Variants in PTN observed in about 807,000 individuals in gnomAD.
PTN encodes heparin affin regulatory protein.
PTN carries 18 observed loss-of-function variants against 24.1 expected under a neutral mutation model. The ratio of observed to expected loss-of-function variants is 0.75; its 90% CI spans 0.52 to 1.11. The LOEUF is 1.11. Ranked by LOEUF, PTN falls within the 50% of genes least tolerant of loss-of-function variation. PTN has a pLI of 0.00. For missense variants in PTN, 163 were observed against 198.8 expected, an observed-to-expected ratio of 0.82 and a Z score of 1.08; for synonymous variants, 78 against 68.6, an observed-to-expected ratio of 1.14 and a Z score of -0.67.
rs1456748249 is a variant in PTN, at chr7:137,227,437, G to A, written c.*583C>T. 6.7e-6 allele frequency: 1 copy of A among 149,376 alleles called. No individual in the cohort carries two copies. Among genetic ancestry groups the A allele is most frequent in the Non-Finnish European group, 1.5e-5 (1 of 67,178 alleles). The allele number at this position is 149,376 out of a possible 1,614,324, so 9.3% of individuals were successfully genotyped here. A position where few individuals can be genotyped will look rare whatever the true frequency, so the allele number is the denominator to read the frequency against. On this transcript the variant is annotated 3_prime_UTR_variant, in exon 5 of 5. Transcript: ENST00000348225. ...AGAAAACAAATGCTTCTGCCAAAGTGAAAGAATTTTATGTCTTAATGCTTT... is the reference window on the plus strand; with the variant it reads ...AGAAAACAAATGCTTCTGCCAAAGTAAAAGAATTTTATGTCTTAATGCTTT...
intron 4 of PTN, among the ~76,000 whole-genome samples, chr7:137,246,718 C>T (rs950724480): frequency 1.3e-5 from 2 of 152,190 alleles, no homozygotes; most frequent in Admixed American, 1.3e-4. Context: ...TCCCCAGAAG[C>T]TCAACCCTTT....
At chr7:137,296,889 G>A (rs757649080) in intron 1 of PTN, among the ~76,000 whole-genome samples, 4 of 152,082 alleles carry the variant, frequency 2.6e-5, no homozygotes, top group Non-Finnish European at 2.9e-5. Flanking sequence ...GAAGTCCTAT[G>A]TAGATGTAGG....
rs186745335 is a variant in PTN, at chr7:137,228,209, C to G, written c.452-134G>C. The G allele has an allele frequency of 7.3e-5, 46 of 628,860 alleles. No individual in the cohort carries two copies. In the Admixed American group the frequency reaches 1.2e-3, roughly 17 times the overall value. 39.0% of individuals were successfully genotyped at this position (628,860 alleles called of 1,614,324 possible). On this transcript the variant is annotated intron_variant, in intron 4 of 4. Transcript: ENST00000348225. ...CAAGTTGTTTGCTCTTGGTAGTTCT[C>G]TTGGTAAACTGAGAAAACACTATGT... is the stretch of plus-strand genomic sequence containing the variant.
intron 1 of PTN, among the ~76,000 whole-genome samples, chr7:137,278,980 A>ATAATAATAC (rs1809419857): frequency 6.8e-6 from 1 of 148,124 alleles, no homozygotes; most frequent in African/African-American, 2.5e-5. Context: ...AATAATAATA[A>ATAATAATAC]TAAAATAAAG....
At chr7:137,324,478 A>T (rs888982992) in intron 1 of PTN, among the ~76,000 whole-genome samples, 1 of 146,680 alleles carries the variant, frequency 6.8e-6, no homozygotes, top group African/African-American at 2.6e-5. Flanking sequence ...GCCCTCATCT[A>T]AAAATTCTGA....
chr7:137,315,739 C>G (rs1015428292), intron 1 of PTN, among the ~76,000 whole-genome samples: 1 of 152,124 alleles, frequency 6.6e-6, no homozygotes, highest in Non-Finnish European at 1.5e-5. Flanking sequence ...ATGGCCAGCA[C>G]TCCAGGGTAG....
chr7:137,342,898 C>T (rs1466201741), intron 1 of PTN, among the ~76,000 whole-genome samples: 1 of 152,100 alleles, frequency 6.6e-6, no homozygotes, highest in Non-Finnish European at 1.5e-5. Flanking sequence ...GCCAGTAGTT[C>T]CGTGAGAGAC....
intron 1 of PTN, among the ~76,000 whole-genome samples, chr7:137,278,010 T>A (rs1403637352): frequency 2.6e-5 from 4 of 152,064 alleles, no homozygotes; most frequent in Non-Finnish European, 1.5e-5. Context: ...ATTCATTTTT[T>A]AAAAAATGAC....
intron 1 of PTN, among the ~76,000 whole-genome samples, chr7:137,330,508 C>T (rs1006887125): frequency 2.6e-5 from 4 of 152,172 alleles, no homozygotes; most frequent in African/African-American, 9.6e-5. Flanking sequence ...TGAAGGAACC[C>T]TGGTGTGCTC....
chr7:137,237,506 T>C (rs1808544798), intron 4 of PTN, among the ~76,000 whole-genome samples: 1 of 152,140 alleles, frequency 6.6e-6, no homozygotes, highest in Non-Finnish European at 1.5e-5. Context: ...AGGTGAAAAA[T>C]AGGATGTTAG....
intron 4 of PTN, among the ~76,000 whole-genome samples, chr7:137,230,545 G>T (rs1808409578): frequency 6.6e-6 from 1 of 151,656 alleles, no homozygotes; most frequent in Non-Finnish European, 1.5e-5. Flanking sequence ...TTGCAATAAG[G>T]TCAGTTTAGT....
chr7:137,263,907 C>G (rs1283901296), intron 1 of PTN, among the ~76,000 whole-genome samples: 2 of 152,144 alleles, frequency 1.3e-5, no homozygotes, highest in African/African-American at 4.8e-5. Flanking sequence ...CTTTGGAAAT[C>G]TACTGAATGG....
At chr7:137,246,175 T>C (rs1281490335) in intron 4 of PTN, among the ~76,000 whole-genome samples, 3 of 152,184 alleles carry the variant, frequency 2.0e-5, no homozygotes, top group Non-Finnish European at 2.9e-5. Context: ...TACAGAGATG[T>C]ACCATTTTTT....
chr7:137,272,131 T>C (rs1809285502), intron 1 of PTN, among the ~76,000 whole-genome samples: 1 of 152,212 alleles, frequency 6.6e-6, no homozygotes, highest in Non-Finnish European at 1.5e-5. Flanking sequence ...TACCAGATTA[T>C]TGTACTATCT....
chr7:137,295,971 C>G (rs568897452), intron 1 of PTN, among the ~76,000 whole-genome samples: 1 of 152,080 alleles, frequency 6.6e-6, no homozygotes, highest in African/African-American at 2.4e-5. Context: ...TCACTAGTAC[C>G]TTGAGTGATT....
At chr7:137,332,028 T>A (rs1810367283) in intron 1 of PTN, among the ~76,000 whole-genome samples, 1 of 152,236 alleles carries the variant, frequency 6.6e-6, no homozygotes. Context: ...TTTTTATGAT[T>A]CTAATTTACC....
chr7:137,320,294 G>A (rs1055796727), intron 1 of PTN, among the ~76,000 whole-genome samples: 4 of 152,180 alleles, frequency 2.6e-5, no homozygotes, highest in Admixed American at 6.5e-5. Context: ...GACGGAAAGA[G>A]TAAGACCCAC....
Position 137,235,076 on chromosome 7 carries a change from C to G in PTN, c.452-7001G>C, listed in dbSNP as rs150218963. Reference sequence around the variant, plus strand: ...AAAGGAACAGTTGGAGGCATACCATCAAGACCACTGAAAGTTCACTTTTGG... The same window carrying G: ...AAAGGAACAGTTGGAGGCATACCATGAAGACCACTGAAAGTTCACTTTTGG... On this transcript the variant is annotated intron_variant, in intron 4 of 4. Coordinates refer to ENST00000348225, the MANE Select transcript of PTN (RefSeq NM_002825.7). Among the ~76,000 whole-genome samples the G allele has an allele frequency of 1.8e-3, 276 of 152,156 alleles. 2 individuals are homozygous for G. The highest frequency in any genetic ancestry group is 6.4e-3 in the African/African-American group (264 of 41,534).
Position 137,251,140 on chromosome 7 carries a change from C to T in PTN, c.451+90G>A, listed in dbSNP as rs575448087. ...CAGTCACTTTCTTAAGGTAATTCACCTAATATTTCCTTCTGGAAAATGTGG... is the reference window on the plus strand; with the variant it reads ...CAGTCACTTTCTTAAGGTAATTCACTTAATATTTCCTTCTGGAAAATGTGG... On this transcript the variant is annotated intron_variant, in intron 4 of 4. Transcript: ENST00000348225. The T allele has an allele frequency of 2.2e-4, 320 of 1,423,620 alleles. 5 individuals carry two copies. The South Asian group carries it at 3.8e-3, about 17-fold the overall frequency. The allele number at this position is 1,423,620 out of a possible 1,614,324, so 88.2% of individuals were successfully genotyped here.
Sources: gnomAD v4.1 joint callset for allele counts (sites outside exome capture counted in the v4.1 genomes callset) on GRCh38, gnomAD v4.1.1 for gene constraint, MANE v1.5 for transcripts, NCBI Gene and HGNC (gene_info 2026-07-23, HGNC 2026-07-21) for gene names.